Variants in HIF3A observed in about 807,000 individuals in gnomAD.
The protein encoded by HIF3A is hypoxia inducible factor 3 subunit alpha.
Under a neutral mutation model 67.2 loss-of-function variants are expected in HIF3A, and 41 were observed. That is an observed-to-expected ratio of 0.61 (90% CI 0.48 to 0.79). The LOEUF (loss-of-function observed/expected upper bound fraction) is 0.79. HIF3A is among the 30% of genes least tolerant of loss of function. HIF3A has a pLI of 0.00. For missense variants in HIF3A, 855 were observed against 898.0 expected (o/e 0.95, Z 0.61); for synonymous variants, 356 against 374.8 (o/e 0.95, Z 0.58).
At chr19:46,330,560 G>T (rs956158867) in intron 12 of HIF3A, among the ~76,000 whole-genome samples, 1 of 151,502 alleles carries the variant, frequency 6.6e-6, no homozygotes, top group African/African-American at 2.4e-5. Flanking sequence ...ATGGTGGATG[G>T]ATGGTGGATG....
intron 9 of HIF3A, 117 bp downstream of exon 9, chr19:46,320,678 C>T: frequency 1.4e-6 from 1 of 713,284 alleles, no homozygotes; most frequent in South Asian, 1.8e-5. Context: ...CCTCCCTTCC[C>T]TGCGCACTCA....
intron 12 of HIF3A, among the ~76,000 whole-genome samples, chr19:46,329,770 G>A (rs567932678): frequency 1.0e-3 from 156 of 152,132 alleles, no homozygotes; most frequent in African/African-American, 3.6e-3. Flanking sequence ...GACAATTTTT[G>A]TCAGAGTTTA....
chr19:46,325,647 C>G lies in HIF3A; in HGVS notation c.1440+8C>G. On this transcript the variant is annotated splice_region_variant and intron_variant, in intron 11 of 14. Coordinates refer to ENST00000377670, the MANE Select transcript of HIF3A (RefSeq NM_152795.4). ...GATTTAGATATAGCTCAGGTAAGGG[C>G]TGGCATGGAAGGGAGTAATCCTCAG... 1 of 1,580,080 alleles carries G rather than the reference C, an allele frequency of 6.3e-7. No homozygotes were observed. The highest frequency in any genetic ancestry group is 8.7e-7 in the Non-Finnish European group (1 of 1,150,026).
At chr19:46,333,788 CTTTTTTTTTTT>C (rs1165101162) in intron 13 of HIF3A, among the ~76,000 whole-genome samples, 2 of 103,564 alleles carry the variant, frequency 1.9e-5, no homozygotes, top group East Asian at 2.6e-4. Context: ...TTCTTTCTTT[CTTTTTTTTTTT>C]TTTTTTTTTT....
In HIF3A at chr19:46,312,563, G is replaced by C. The variant is rs771777722; in HGVS notation, c.935G>C (p.Gly312Ala). 6.2e-7 allele frequency: 1 copy of C among 1,613,254 alleles called. No individual in the cohort carries two copies. The highest frequency in any genetic ancestry group is 2.2e-5 in the East Asian group (1 of 44,872). ...GQYRFLARSG[G>A]YLWTQTQATV... The stretch of plus-strand genomic sequence containing the variant: ...TATCGCTTCCTGGCCCGGAGTGGTG[G>C]CTACCTGTGGACCCAGACCCAGGCC... Residue 312 changes from glycine (G) to alanine (A), a missense_variant, in exon 8 of 15, where the codon GGC becomes GCC. Physicochemically the swap from Gly to Ala is moderately conservative, Grantham distance 60. This residue lies in a region of HIF3A where 638 missense variants were observed against 660.5 expected (regional missense o/e 0.97). Coordinates refer to ENST00000377670, the MANE Select transcript of HIF3A (RefSeq NM_152795.4).
At chr19:46,304,887 A>G (rs926965715) in intron 2 of HIF3A, among the ~76,000 whole-genome samples, 2 of 151,892 alleles carry the variant, frequency 1.3e-5, no homozygotes, top group African/African-American at 4.8e-5. Context: ...CCTCATCTCT[A>G]TATTACAATT....
At chr19:46,317,970 G>A (rs1296284027) in intron 8 of HIF3A, among the ~76,000 whole-genome samples, 1 of 151,700 alleles carries the variant, frequency 6.6e-6, no homozygotes, top group African/African-American at 2.4e-5. Context: ...TTCCAAGTAG[G>A]GATTACAAGC....
chr19:46,307,298 C>A (rs1398168610), intron 3 of HIF3A, among the ~76,000 whole-genome samples: 1 of 152,306 alleles, frequency 6.6e-6, no homozygotes, highest in East Asian at 1.9e-4. Flanking sequence ...TGTGCAGTCA[C>A]CGTGTCCATA....
At chr19:46,322,457 C>T (rs9304657) in intron 10 of HIF3A, among the ~76,000 whole-genome samples, 94,788 of 151,794 alleles carry the variant, frequency 0.62, 29,841 homozygotes, top group Non-Finnish European at 0.66. Context: ...TTTTTATTTT[C>T]GAGATGGAGT....
rs140641615 is a variant in HIF3A at position 46,301,376 on chromosome 19, G to A, written c.27-2522G>A. On this transcript the variant is annotated intron_variant, in intron 1 of 14. Coordinates refer to ENST00000377670, the MANE Select transcript of HIF3A (RefSeq NM_152795.4). ...CCCTCCTAGAGGTTCTGCTTCCCTC[G>A]GATGGGTCCCAAGGAGGGGATGAGA... 3.9e-5 allele frequency among the ~76,000 whole-genome samples: 6 copies of A among 152,198 alleles called. No homozygotes were observed. In the East Asian group the frequency reaches 9.7e-4, roughly 25 times the overall value.
chr19:46,312,375 A>G lies in HIF3A; in HGVS notation c.877+108A>G, dbSNP rs754158010. 1.8e-5 allele frequency: 29 copies of G among 1,601,932 alleles called. No homozygotes were observed. The South Asian group carries it at 2.0e-4, about 11-fold the overall frequency. ...CCAGGATGCACTGCCTCCCCACCTCAACACCAGCTCCCTGCTCCCCAAGCC... is the reference window on the plus strand; with the variant it reads ...CCAGGATGCACTGCCTCCCCACCTCGACACCAGCTCCCTGCTCCCCAAGCC... On this transcript the variant is annotated intron_variant, in intron 7 of 14. Coordinates refer to ENST00000377670, the MANE Select transcript of HIF3A (RefSeq NM_152795.4).
At chr19:46,307,947 TAGAC>T (rs1239618851) in intron 3 of HIF3A, among the ~76,000 whole-genome samples, 3 of 150,960 alleles carry the variant, frequency 2.0e-5, no homozygotes, top group African/African-American at 2.4e-5. Flanking sequence ...AATAGATAGA[TAGAC>T]AGATAGGTAG....
chr19:46,335,247 CATTTATTT>C lies in HIF3A; in HGVS notation c.1912+290_1912+297del, dbSNP rs374748726. 6.2e-3 allele frequency among the ~76,000 whole-genome samples: 911 copies of C among 146,284 alleles called. 2 individuals carry two copies. Among genetic ancestry groups the C allele is most frequent in the African/African-American group, 6.7e-3 (258 of 38,400 alleles). ...TCTGGAGCCTGCACGCCTATGATCA[CATTTATTT>C]ATTTATTTATTTATTTATTTATTTA... On this transcript the variant is annotated intron_variant, in intron 14 of 14. Transcript: ENST00000377670.
At chr19:46,299,819 G>T (rs570437159) in intron 1 of HIF3A, among the ~76,000 whole-genome samples, 2 of 152,040 alleles carry the variant, frequency 1.3e-5, no homozygotes, top group Non-Finnish European at 2.9e-5. Context: ...AGCAGACGGT[G>T]GGGGGCGGGA....
chr19:46,332,525 A>G (rs377309670), intron 13 of HIF3A, among the ~76,000 whole-genome samples: 153 of 152,226 alleles, frequency 1.0e-3, no homozygotes, highest in African/African-American at 3.6e-3. Context: ...AGATGACAGC[A>G]CAAGACGCTG....
At chr19:46,299,826 G>A (rs1314774866) in intron 1 of HIF3A, among the ~76,000 whole-genome samples, 21 of 152,004 alleles carry the variant, frequency 1.4e-4, no homozygotes, top group African/African-American at 4.6e-4. Context: ...GGTGGGGGGC[G>A]GGACACCCAA....
At chr19:46,307,747 CAA>C (rs1206701910) in intron 3 of HIF3A, among the ~76,000 whole-genome samples, 5 of 130,778 alleles carry the variant, frequency 3.8e-5, no homozygotes, top group Admixed American at 7.8e-5. Flanking sequence ...GACTCCATCT[CAA>C]AAAAAAAAAA....
At chr19:46,330,269 A>G (rs2147279653) in intron 12 of HIF3A, among the ~76,000 whole-genome samples, 1 of 152,310 alleles carries the variant, frequency 6.6e-6, no homozygotes, top group East Asian at 1.9e-4. Context: ...TGGCACTTTA[A>G]TGGGTGGACA....
In HIF3A at chr19:46,321,865, C is replaced by G. The variant is rs751006910; in HGVS notation, c.1234C>G (p.Pro412Ala). The G allele has an allele frequency of 6.2e-7, 1 of 1,613,936 alleles. No individual in the cohort carries two copies. Among genetic ancestry groups the G allele is most frequent in the African/African-American group, 1.3e-5 (1 of 74,928 alleles). The change falls in exon 10 of 15, where the codon CCT becomes GCT. Residue 412 changes from proline (P) to alanine (A), a missense_variant. Coordinates refer to ENST00000377670, the MANE Select transcript of HIF3A (RefSeq NM_152795.4). ...CGCTGACCCCCGCCGTTTCTGCAGCCCTGACCTCCGTCGCCTCCTGGGACC... is the reference window on the plus strand; with the variant it reads ...CGCTGACCCCCGCCGTTTCTGCAGCGCTGACCTCCGTCGCCTCCTGGGACC... ...LAADPRRFCSPDLRRLLGPIL... is the reference protein window; with the variant it reads ...LAADPRRFCSADLRRLLGPIL...
Sources: gnomAD v4.1 joint callset for allele counts (sites outside exome capture counted in the v4.1 genomes callset) on GRCh38, gnomAD v4.1.1 for gene constraint, gnomAD v4.1.1 regional missense constraint, MANE v1.5 for transcripts, NCBI Gene and HGNC (gene_info 2026-07-23, HGNC 2026-07-21) for gene names.